The following RGS7 variants were observed in gnomAD, a reference collection of about 807,000 sequenced individuals.
RGS7 encodes regulator of G-protein signaling 7.
In RGS7, 27 loss-of-function variants were observed where a neutral mutation model predicts 81.1. The ratio of observed to expected loss-of-function variants is 0.33; its 90% confidence interval spans 0.25 to 0.46. RGS7 has a LOEUF of 0.46. Ranked by LOEUF, RGS7 falls within the 20% of genes least tolerant of loss-of-function variation. RGS7 has a pLI of 1.00. For synonymous variants in RGS7, 208 were observed against 207.7 expected, an observed-to-expected ratio of 1.00 and a Z score of -0.01; for missense variants, 396 against 607.4, an observed-to-expected ratio of 0.65 and a Z score of 3.66.
intron 2 of RGS7, among the ~76,000 whole-genome samples, chr1:241,183,988 G>A (rs781110879): frequency 1.8e-4 from 28 of 152,294 alleles, no homozygotes; most frequent in Non-Finnish European, 7.4e-5. Context: ...AACAGGAGTC[G>A]ATGGGAGTCA....
At chr1:240,820,924 T>C (rs1691667104) in intron 10 of RGS7, among the ~76,000 whole-genome samples, 1 of 152,180 alleles carries the variant, frequency 6.6e-6, no homozygotes, top group African/African-American at 2.4e-5. Flanking sequence ...AAATGTAATC[T>C]CTGGGGCTTT....
At position 240,868,611 on chromosome 1, in the gene RGS7, C is replaced by G. The variant is rs747717735; in HGVS notation, c.585G>C (p.Ala195=). ...ERKILDSQER[A]FWDVHRPVPG... ...CCACGGGCCTGTGCACGTCCCAGAA[C>G]GCTCTCTCTTGGCTGTCAAGGATCT... is the stretch of plus-strand genomic sequence containing the variant. Residue 195 remains alanine (A), a synonymous_variant, in exon 9 of 19, where the codon GCG becomes GCC. Transcript: ENST00000440928. This position sits in a 1 kb window ranked among gnomAD's most constrained non-coding sequence, Gnocchi z 5.1. The G allele has an allele frequency of 6.2e-7, 1 of 1,614,026 alleles. No homozygotes were observed. The highest frequency in any genetic ancestry group is 8.5e-7 in the Non-Finnish European group (1 of 1,180,036).
intron 18 of RGS7, among the ~76,000 whole-genome samples, chr1:240,785,110 T>A (rs953916130): frequency 3.3e-5 from 5 of 152,232 alleles, no homozygotes; most frequent in Admixed American, 1.3e-4. Context: ...GGATGCTAGA[T>A]GTTTGTTATT....
intron 2 of RGS7, among the ~76,000 whole-genome samples, chr1:241,240,075 A>C (rs2076191610): frequency 6.6e-6 from 1 of 152,236 alleles, no homozygotes; most frequent in Non-Finnish European, 1.5e-5. Context: ...CAAATAGTCC[A>C]GTCTCATCAT....
chr1:240,992,244 C>T (rs1435029945), intron 3 of RGS7, among the ~76,000 whole-genome samples: 2 of 152,196 alleles, frequency 1.3e-5, no homozygotes, highest in Non-Finnish European at 2.9e-5. Context: ...TGGCTCATGC[C>T]TGTAATCCCA....
At chr1:241,312,059 G>C (rs948503017) in intron 2 of RGS7, among the ~76,000 whole-genome samples, 1 of 152,170 alleles carries the variant, frequency 6.6e-6, no homozygotes, top group Non-Finnish European at 1.5e-5. Context: ...AAGGACATTT[G>C]ATTAGGAAAT....
At chr1:241,191,363 T>C (rs1189176861) in intron 2 of RGS7, among the ~76,000 whole-genome samples, 1 of 152,196 alleles carries the variant, frequency 6.6e-6, no homozygotes, top group Non-Finnish European at 1.5e-5. Context: ...TTAGTTGATA[T>C]GATCATGTGA....
chr1:241,227,747 C>T (rs117436772), intron 2 of RGS7, among the ~76,000 whole-genome samples: 2 of 85,226 alleles, frequency 2.3e-5, no homozygotes, highest in South Asian at 1.0e-3. Flanking sequence ...GACCTTGTGT[C>T]ACCTCCAGAA....
chr1:240,885,546 T>A (rs1667205618), intron 6 of RGS7, among the ~76,000 whole-genome samples: 1 of 152,150 alleles, frequency 6.6e-6, no homozygotes, highest in South Asian at 2.1e-4. Context: ...TGCAGCTACA[T>A]CATGGGATAC....
intron 6 of RGS7, among the ~76,000 whole-genome samples, chr1:240,923,285 A>G (rs1673888586): frequency 6.6e-6 from 1 of 152,122 alleles, no homozygotes; most frequent in Non-Finnish European, 1.5e-5. Flanking sequence ...CACAGAATGT[A>G]TAACACAAAG....
chr1:241,088,829 G>A (rs1018325176), intron 3 of RGS7, among the ~76,000 whole-genome samples: 4 of 151,628 alleles, frequency 2.6e-5, no homozygotes, highest in Non-Finnish European at 5.9e-5. Flanking sequence ...GGCTAACACA[G>A]TGAAACCCCG....
At chr1:241,092,447 T>C (rs1345909259) in intron 3 of RGS7, among the ~76,000 whole-genome samples, 1 of 152,228 alleles carries the variant, frequency 6.6e-6, no homozygotes. Context: ...TGAATAAACA[T>C]TGTAAGTTAC....
At chr1:241,062,184 T>A (rs1172696023) in intron 3 of RGS7, among the ~76,000 whole-genome samples, 1 of 152,232 alleles carries the variant, frequency 6.6e-6, no homozygotes, top group Non-Finnish European at 1.5e-5. Flanking sequence ...CAATGCACTT[T>A]GTTTAGCATT....
chr1:241,177,354 G>A (rs149949514), intron 2 of RGS7, among the ~76,000 whole-genome samples: 103 of 152,196 alleles, frequency 6.8e-4, no homozygotes, highest in Non-Finnish European at 1.1e-3. Flanking sequence ...CTCAAGGCAG[G>A]GAATGTGTTT....
intron 2 of RGS7, among the ~76,000 whole-genome samples, chr1:241,259,845 T>G (rs1476690573): frequency 2.6e-5 from 4 of 151,594 alleles, no homozygotes; most frequent in East Asian, 3.9e-4. Flanking sequence ...GCCACTATAC[T>G]TAATTGGCAC....
At chr1:240,843,851 T>G (rs1318334522) in intron 9 of RGS7, among the ~76,000 whole-genome samples, 1 of 151,942 alleles carries the variant, frequency 6.6e-6, no homozygotes, top group Non-Finnish European at 1.5e-5. Context: ...TCTTTCTTTC[T>G]TTTTTAAAAA....
intron 18 of RGS7, among the ~76,000 whole-genome samples, chr1:240,798,139 C>A (rs16840636): frequency 0.088 from 13,365 of 152,156 alleles, 1,981 homozygotes; most frequent in African/African-American, 0.3. Context: ...CTGACTACCT[C>A]CCAGGATTGT....
At chr1:241,180,408 AC>A (rs1213864446) in intron 2 of RGS7, among the ~76,000 whole-genome samples, 3 of 152,046 alleles carry the variant, frequency 2.0e-5, no homozygotes, top group East Asian at 1.9e-4. Flanking sequence ...AACAACAACA[AC>A]AAAAAACACA....
chr1:241,051,346 C>G (rs866914836), intron 3 of RGS7, among the ~76,000 whole-genome samples: 1 of 152,104 alleles, frequency 6.6e-6, no homozygotes, highest in African/African-American at 2.4e-5. Context: ...GCTTTAATCA[C>G]CTGCAACTTG....
Sources: allele counts gnomAD v4.1 joint callset (sites outside exome capture counted in the v4.1 genomes callset), GRCh38; gene constraint gnomAD v4.1.1; non-coding constraint Gnocchi (gnomAD v3.1); transcripts MANE v1.5; gene names NCBI Gene and HGNC (gene_info 2026-07-23, HGNC 2026-07-21).